The following C5 variants were observed in gnomAD, a reference collection of about 807,000 sequenced individuals.
The protein encoded by C5 is C3 and PZP-like alpha-2-macroglobulin domain-containing protein 4.
In C5, 140 loss-of-function variants were observed where a neutral mutation model predicts 218.8. The observed-to-expected ratio is 0.64, with a 90% confidence interval of 0.56 to 0.74. C5 has a LOEUF of 0.74. Ranked by LOEUF, C5 falls within the 30% of genes least tolerant of loss-of-function variation. The pLI, the probability that C5 is intolerant of heterozygous loss-of-function variation, is 0.00. For missense variants in C5, 1,700 were observed against 1,969.6 expected, an observed-to-expected ratio of 0.86 and a Z score of 2.59; for synonymous variants, 614 against 682.3, an observed-to-expected ratio of 0.90 and a Z score of 1.56.
intron 1 of C5, among the ~76,000 whole-genome samples, chr9:121,047,094 A>C (rs2047634139): frequency 6.6e-6 from 1 of 152,212 alleles, no homozygotes; most frequent in South Asian, 2.1e-4. Context: ...GTAATTAAGT[A>C]CTTGCCACAT....
At position 121,024,966 on chromosome 9, in the gene C5, A is replaced by G. The variant is rs147972471; in HGVS notation, c.1000+488T>C. On this transcript the variant is annotated intron_variant, in intron 9 of 40. Coordinates refer to ENST00000223642, the MANE Select transcript of C5 (RefSeq NM_001735.3). ...TGAGGAAAAAATAAAAAGAAGAAAC[A>G]TTAAAATAATGTTGAAAACTTTAGG... 2.6e-3 allele frequency among the ~76,000 whole-genome samples: 393 copies of G among 152,374 alleles called. 1 individual carries two copies. Among genetic ancestry groups the G allele is most frequent in the African/African-American group, 9.1e-3 (380 of 41,584 alleles).
Position 121,033,013 on chromosome 9 carries a change from GGT to G in C5, c.585-820_585-819del, listed in dbSNP as rs370287463. 1.8e-3 allele frequency among the ~76,000 whole-genome samples: 260 copies of G among 143,136 alleles called. 4 individuals are homozygous for G. Among genetic ancestry groups the G allele is most frequent in the African/African-American group, 7.0e-3 (242 of 34,550 alleles). The allele number at this position is 143,136 out of a possible 152,430, so 93.9% of individuals were successfully genotyped here. A position where few individuals can be genotyped will look rare whatever the true frequency, so the allele number is the denominator to read the frequency against. On this transcript the variant is annotated intron_variant, in intron 5 of 40. Transcript: ENST00000223642. The stretch of plus-strand genomic sequence containing the variant: ...GAGACTCTGTTTCAAAAAAACTATG[GGT>G]GTGTGTGTGTGTGTGTGTGTGTGTA...
chr9:121,062,704 T>C, the C5 span, among the ~76,000 whole-genome samples: 4 of 152,234 alleles, frequency 2.6e-5, no homozygotes, highest in African/African-American at 4.8e-5. Context: ...TTGAAATTCT[T>C]ATGTTGAATC....
At position 121,025,519 on chromosome 9, in the gene C5, T is replaced by A; in HGVS notation, c.935A>T (p.Tyr312Phe). Residue 312 changes from tyrosine to phenylalanine, a missense_variant, in exon 9 of 41, where the codon TAC (tyrosine) becomes TTC (phenylalanine). By Grantham distance (22) the Tyr-to-Phe change is conservative. Coordinates refer to ENST00000223642, the MANE Select transcript of C5 (RefSeq NM_001735.3). ...GTTGTTTAAATCTTCTAAACTGTAG[T>A]ATGACAGTTCTTTGACTGCTGTTTC... ...DSETAVKELS[Y>F]YSLEDLNNKY... 1 of 1,613,224 alleles carries A rather than the reference T, an allele frequency of 6.2e-7. No individual in the cohort carries two copies.
chr9:121,056,669 G>A, the C5 span, among the ~76,000 whole-genome samples: 29 of 151,994 alleles, frequency 1.9e-4, no homozygotes, highest in East Asian at 5.6e-3. Flanking sequence ...AAAATACACA[G>A]AGGAGAAAAA....
At position 120,997,623 on chromosome 9, in the gene C5, A is replaced by G. The variant is rs545046042; in HGVS notation, c.2714T>C (p.Ile905Thr). ...LVTFTVLPLE[I>T]GLHNINFSLE... Reference sequence around the variant, plus strand: ...TGAAAAATTGATGTTGTGAAGGCCAATTTCCAGAGGAAGCACAGTGAATGT... The same window carrying G: ...TGAAAAATTGATGTTGTGAAGGCCAGTTTCCAGAGGAAGCACAGTGAATGT... Residue 905 changes from isoleucine to threonine, a missense_variant, in exon 21 of 41, where the codon ATT (isoleucine) becomes ACT (threonine). Ile to Thr is a moderately conservative substitution (Grantham distance 89). Coordinates refer to ENST00000223642, the MANE Select transcript of C5 (RefSeq NM_001735.3). The G allele has an allele frequency of 4.3e-6, 7 of 1,614,108 alleles. No individual in the cohort carries two copies. The highest frequency in any genetic ancestry group is 4.5e-5 in the East Asian group (2 of 44,870).
chr9:121,001,478 T>C (rs548455582), intron 20 of C5, among the ~76,000 whole-genome samples: 9 of 152,340 alleles, frequency 5.9e-5, no homozygotes, highest in African/African-American at 2.2e-4. Context: ...GTCTGTCAAC[T>C]TGGCAAAAAT....
chr9:121,002,347 CAT>C (rs2047179904), intron 20 of C5, among the ~76,000 whole-genome samples: 3 of 85,620 alleles, frequency 3.5e-5, no homozygotes, highest in Non-Finnish European at 5.5e-5. Flanking sequence ...TATATACACA[CAT>C]ACCTACACAA....
chr9:120,970,169 C>T lies in C5; in HGVS notation c.4162+1G>A. 1 of 1,605,618 alleles carries T rather than the reference C, an allele frequency of 6.2e-7. No homozygotes were observed. Among genetic ancestry groups the T allele is most frequent in the Non-Finnish European group, 8.5e-7 (1 of 1,172,434 alleles). On this transcript the variant is annotated splice_donor_variant, in intron 32 of 40. Transcript: ENST00000223642. LOFTEE classifies it high-confidence loss of function. ...TACAGCGTAAATCCTGCTGTTTTTA[C>T]CTTCAATATCCTGAGTATCGATTTT...
chr9:121,012,147 C>A (rs914151414), intron 17 of C5, among the ~76,000 whole-genome samples: 1 of 151,680 alleles, frequency 6.6e-6, no homozygotes, highest in African/African-American at 2.4e-5. Context: ...AGGAGAAATA[C>A]CTCAGGGGAT....
chr9:121,034,871 G>C lies in C5; in HGVS notation c.516C>G (p.Asp172Glu), dbSNP rs375608449. The C allele has an allele frequency of 1.3e-6, 2 of 1,590,650 alleles. No homozygotes were observed. Among genetic ancestry groups the C allele is most frequent in the African/African-American group, 2.7e-5 (2 of 74,428 alleles). The change falls in exon 5 of 41, where the codon GAC becomes GAG. Residue 172 changes from aspartate (D) to glutamate (E), a missense_variant. By Grantham distance (45) the Asp-to-Glu change is conservative (BLOSUM62 2). Coordinates refer to ENST00000223642, the MANE Select transcript of C5 (RefSeq NM_001735.3). ...CAATATGATCAATTTCTTCTACCAT[G>C]TCAACTTCTGATCCTTCAGGATCCT... is the stretch of plus-strand genomic sequence containing the variant. ...TFIDPEGSEV[D>E]MVEEIDHIGI...
At chr9:120,988,264 C>A (rs935321121) in intron 25 of C5, among the ~76,000 whole-genome samples, 5 of 152,196 alleles carry the variant, frequency 3.3e-5, no homozygotes, top group Admixed American at 1.3e-4. Context: ...CCGCATGGAG[C>A]TTATATTCCA....
chr9:121,067,586 G>A, the C5 span, among the ~76,000 whole-genome samples: 4 of 151,352 alleles, frequency 2.6e-5, no homozygotes. Context: ...AAAAAAAAGA[G>A]GAAAATTCCT....
chr9:121,059,992 T>C, the C5 span, among the ~76,000 whole-genome samples: 2 of 152,358 alleles, frequency 1.3e-5, no homozygotes, highest in South Asian at 4.1e-4. The surrounding 1 kb of genome is among the most constrained non-coding windows in gnomAD (Gnocchi z 4.1). Flanking sequence ...ACTGGGCAGA[T>C]AATTAAGGTG....
chr9:120,977,108 GAAAATCT>G (rs2046959351), intron 28 of C5, among the ~76,000 whole-genome samples: 1 of 152,088 alleles, frequency 6.6e-6, no homozygotes, highest in Non-Finnish European at 1.5e-5. Flanking sequence ...TCCCTAATCT[GAAAATCT>G]GAAATATGAA....
intron 25 of C5, 32 bp downstream of exon 25, chr9:120,989,014 T>C (rs2047055196): frequency 6.8e-7 from 1 of 1,468,442 alleles, no homozygotes; most frequent in Non-Finnish European, 9.6e-7. Context: ...TTAACCACTA[T>C]ATGAAAATGC....
chr9:121,039,673 TA>T (rs1404922518), intron 3 of C5, among the ~76,000 whole-genome samples: 2 of 152,080 alleles, frequency 1.3e-5, no homozygotes, highest in East Asian at 3.9e-4. Flanking sequence ...TTTATTAATT[TA>T]AAAAAAGTTT....
At chr9:120,969,530 G>A (rs565955623) in intron 32 of C5, among the ~76,000 whole-genome samples, 2 of 152,292 alleles carry the variant, frequency 1.3e-5, no homozygotes, top group Admixed American at 1.3e-4. Flanking sequence ...TTCTGACCCT[G>A]GAGGCAATGG....
chr9:121,060,801 G>T, the C5 span, among the ~76,000 whole-genome samples: 2 of 152,128 alleles, frequency 1.3e-5, no homozygotes, highest in African/African-American at 4.8e-5. Flanking sequence ...AGCAGCAGAA[G>T]TCACTTGATG....
Sources: allele counts gnomAD v4.1 joint callset (sites outside exome capture counted in the v4.1 genomes callset), GRCh38; gene constraint gnomAD v4.1.1; non-coding constraint Gnocchi (gnomAD v3.1); transcripts MANE v1.5; gene names NCBI Gene and HGNC (gene_info 2026-07-23, HGNC 2026-07-21).